PTPRR: variants seen among roughly 807,000 people sequenced by gnomAD.
The protein encoded by PTPRR is receptor-type tyrosine-protein phosphatase R.
PTPRR carries 38 observed loss-of-function variants against 77.2 expected under a neutral mutation model. That is an observed-to-expected ratio of 0.49 (90% CI 0.38 to 0.65). The LOEUF is 0.65. Among genes scored for constraint, PTPRR ranks in the 30% least tolerant of loss-of-function variants. PTPRR has a pLI of 0.00. For missense variants in PTPRR, 744 were observed against 799.2 expected (o/e 0.93, Z 0.83); for synonymous variants, 299 against 283.1 (o/e 1.06, Z -0.57).
Position 70,664,382 on chromosome 12 carries a change from C to T in PTPRR, c.1498-1777G>A, listed in dbSNP as rs573187404. The stretch of plus-strand genomic sequence containing the variant: ...AAGCATCAATTATTTCGCTGTAAGA[C>T]CCGAGCTACTGTGTATCTTAAAACC... On this transcript the variant is annotated intron_variant, in intron 10 of 13. Transcript: ENST00000283228. 5 of 152,284 alleles carry T rather than the reference C, an allele frequency of 3.3e-5. No homozygotes were observed. The South Asian group carries it at 1.0e-3, about 32-fold the overall frequency. The allele number at this position is 152,284 out of a possible 1,614,324, so 9.4% of individuals were successfully genotyped here.
In PTPRR at chr12:70,890,342, GAAGA is replaced by G. The variant is rs1232302669; in HGVS notation, c.357+2333_357+2336del. ...AAATTTTCCTGATTACTAATAAAAA[GAAGA>G]AAGAGGGAAAAAATTCATTTGTGGA... On this transcript the variant is annotated intron_variant, in intron 2 of 13. Coordinates refer to ENST00000283228, the MANE Select transcript of PTPRR (RefSeq NM_002849.4). 3.3e-5 allele frequency among the ~76,000 whole-genome samples: 5 copies of G among 152,056 alleles called. No individual in the cohort carries two copies. In the South Asian group the frequency reaches 8.3e-4, roughly 25 times the overall value.
In PTPRR at chr12:70,685,181, T is replaced by A. The variant is rs932481439; in HGVS notation, c.1280-398A>T. ...TCTACCAATTATTTATATTTTACTATCTCATCTCATTTAGACCCTCAGGTC... is the reference window on the plus strand; with the variant it reads ...TCTACCAATTATTTATATTTTACTAACTCATCTCATTTAGACCCTCAGGTC... On this transcript the variant is annotated intron_variant, in intron 8 of 13. Coordinates refer to ENST00000283228, the MANE Select transcript of PTPRR (RefSeq NM_002849.4). Among the ~76,000 whole-genome samples the A allele has an allele frequency of 3.3e-5, 5 of 152,260 alleles. No homozygotes were observed. In the East Asian group the frequency reaches 9.7e-4, roughly 29 times the overall value.
At chr12:70,860,723 A>C (rs1002414407) in intron 2 of PTPRR, among the ~76,000 whole-genome samples, 1 of 152,152 alleles carries the variant, frequency 6.6e-6, no homozygotes, top group South Asian at 2.1e-4. Context: ...CATATACAAC[A>C]TAGACTAGTC....
chr12:70,792,162 T>C (rs1352237098), intron 2 of PTPRR, among the ~76,000 whole-genome samples: 2 of 152,190 alleles, frequency 1.3e-5, no homozygotes, highest in African/African-American at 4.8e-5. Context: ...AAGATAATGG[T>C]CTACTACGTC....
chr12:70,810,863 A>G (rs1162096017), intron 2 of PTPRR, among the ~76,000 whole-genome samples: 1 of 152,204 alleles, frequency 6.6e-6, no homozygotes, highest in Non-Finnish European at 1.5e-5. Context: ...CATATGTAAG[A>G]AAAGCAAACC....
At chr12:70,642,542 A>T (rs1235192420) in intron 13 of PTPRR, among the ~76,000 whole-genome samples, 1 of 152,200 alleles carries the variant, frequency 6.6e-6, no homozygotes, top group Non-Finnish European at 1.5e-5. Flanking sequence ...ATATCATGAT[A>T]TATACTATCT....
intron 1 of PTPRR, among the ~76,000 whole-genome samples, chr12:70,915,283 G>T (rs4278599): frequency 0.64 from 98,020 of 152,030 alleles, 33,834 homozygotes; most frequent in African/African-American, 0.9. Context: ...GGATGAGGAC[G>T]GAAGCTGATA....
At chr12:70,916,560 C>G (rs1318723184) in intron 1 of PTPRR, among the ~76,000 whole-genome samples, 3 of 151,794 alleles carry the variant, frequency 2.0e-5, no homozygotes, top group South Asian at 2.1e-4. Flanking sequence ...TTGGCACCAT[C>G]ATAGAATACC....
At chr12:70,907,299 A>C (rs1213679779) in intron 1 of PTPRR, among the ~76,000 whole-genome samples, 1 of 152,232 alleles carries the variant, frequency 6.6e-6, no homozygotes, top group Admixed American at 6.5e-5. Flanking sequence ...AGAGTAAGGG[A>C]TGATTTTAAT....
At chr12:70,905,205 G>A (rs929212262) in intron 1 of PTPRR, among the ~76,000 whole-genome samples, 14 of 151,804 alleles carry the variant, frequency 9.2e-5, no homozygotes, top group African/African-American at 3.4e-4. Context: ...GGTGTTGGAA[G>A]TTGAGAAAAT....
At chr12:70,738,257 C>T (rs1207954276) in intron 6 of PTPRR, among the ~76,000 whole-genome samples, 1 of 152,136 alleles carries the variant, frequency 6.6e-6, no homozygotes, top group African/African-American at 2.4e-5. Context: ...CATGTATACC[C>T]TATTATGGTA....
intron 12 of PTPRR, among the ~76,000 whole-genome samples, chr12:70,659,158 CT>C (rs759817383): frequency 3.2e-4 from 49 of 151,994 alleles, no homozygotes; most frequent in Non-Finnish European, 5.9e-4. Flanking sequence ...CTGCCTCGGC[CT>C]CCCAAAGTGC....
chr12:70,745,734 A>G (rs2136927025), intron 6 of PTPRR, 84 bp downstream of exon 6: 8 of 1,444,810 alleles, frequency 5.5e-6, no homozygotes, highest in East Asian at 2.3e-5. Context: ...AATTATGTCA[A>G]TCATTACTAG....
At chr12:70,641,188 A>G (rs1885984311) in intron 13 of PTPRR, among the ~76,000 whole-genome samples, 1 of 152,214 alleles carries the variant, frequency 6.6e-6, no homozygotes, top group Non-Finnish European at 1.5e-5. Context: ...GGGTAGCTCC[A>G]GGGAGCTGAG....
chr12:70,792,539 T>C (rs1322359485), intron 2 of PTPRR, among the ~76,000 whole-genome samples: 1 of 152,192 alleles, frequency 6.6e-6, no homozygotes, highest in Admixed American at 6.5e-5. Context: ...AACTTATATC[T>C]TGCAATTAGC....
At chr12:70,649,646 G>A (rs903375246) in intron 13 of PTPRR, among the ~76,000 whole-genome samples, 10 of 152,038 alleles carry the variant, frequency 6.6e-5, no homozygotes, top group African/African-American at 2.2e-4. Flanking sequence ...CGTGAAGTCG[G>A]CTCACCACAA....
At chr12:70,741,951 T>C (rs1890061193) in intron 6 of PTPRR, among the ~76,000 whole-genome samples, 1 of 152,108 alleles carries the variant, frequency 6.6e-6, no homozygotes, top group Admixed American at 6.5e-5. Flanking sequence ...AGTGAGATGA[T>C]TCTTGGGCAT....
intron 2 of PTPRR, among the ~76,000 whole-genome samples, chr12:70,852,083 G>A (rs1220660106): frequency 1.3e-5 from 2 of 152,150 alleles, no homozygotes; most frequent in Non-Finnish European, 2.9e-5. Context: ...GACAGTGTAT[G>A]AGTGCATGAG....
intron 2 of PTPRR, among the ~76,000 whole-genome samples, chr12:70,858,776 A>G (rs545639999): frequency 6.6e-5 from 10 of 152,070 alleles, no homozygotes; most frequent in South Asian, 6.2e-4. Context: ...AGGCTACTCA[A>G]TGTTGCTGGA....
Sources: gnomAD v4.1 joint callset for allele counts (sites outside exome capture counted in the v4.1 genomes callset) on GRCh38, gnomAD v4.1.1 for gene constraint, MANE v1.5 for transcripts, NCBI Gene and HGNC (gene_info 2026-07-23, HGNC 2026-07-21) for gene names.